ALK: variants seen among roughly 807,000 people sequenced by gnomAD.
ALK encodes the protein ALK receptor tyrosine kinase.
A neutral mutation model predicts 163.1 loss-of-function variants in ALK; 74 were observed. The ratio of observed to expected loss-of-function variants is 0.45; its 90% CI spans 0.38 to 0.55. ALK has a LOEUF of 0.55. Among genes scored for constraint, ALK ranks in the 20% least tolerant of loss-of-function variants. The pLI, the probability that ALK is intolerant of heterozygous loss-of-function variation, is 0.00. For synonymous variants in ALK, 960 were observed against 843.2 expected (o/e 1.14, Z -2.40); for missense variants, 2,063 against 2,105.3 (o/e 0.98, Z 0.39).
chr2:29,738,274 G>C (rs1679950406), intron 1 of ALK, among the ~76,000 whole-genome samples: 2 of 151,994 alleles, frequency 1.3e-5, no homozygotes, highest in African/African-American at 4.8e-5. Context: ...CATATCAATG[G>C]AAAGAGAAGG....
chr2:29,879,234 T>C (rs1256407663), intron 1 of ALK, among the ~76,000 whole-genome samples: 1 of 152,208 alleles, frequency 6.6e-6, no homozygotes, highest in Non-Finnish European at 1.5e-5. Context: ...TCTTGGATTC[T>C]AAAAGAATTT....
intron 4 of ALK, among the ~76,000 whole-genome samples, chr2:29,515,575 A>AG (rs1171169190): frequency 6.6e-6 from 1 of 152,128 alleles, no homozygotes; most frequent in East Asian, 1.9e-4. Context: ...GGGTGGGGAT[A>AG]GGGGGAGGCA....
intron 15 of ALK, among the ~76,000 whole-genome samples, chr2:29,232,057 T>C (rs1011890462): frequency 8.3e-6 from 1 of 119,814 alleles, no homozygotes; most frequent in Non-Finnish European, 1.9e-5. Flanking sequence ...AGCTGGCTGA[T>C]TGACGGCTGC....
chr2:29,728,715 C>G (rs1023645202), intron 1 of ALK, among the ~76,000 whole-genome samples: 22 of 152,118 alleles, frequency 1.4e-4, no homozygotes, highest in African/African-American at 5.3e-4. Context: ...AAGGCAGGGT[C>G]TATTCCAACT....
chr2:29,821,404 G>C (rs944610514), intron 1 of ALK, among the ~76,000 whole-genome samples: 1 of 152,158 alleles, frequency 6.6e-6, no homozygotes, highest in East Asian at 1.9e-4. Flanking sequence ...AGACTTTCTC[G>C]GGGAAGGGGA....
intron 11 of ALK, among the ~76,000 whole-genome samples, chr2:29,265,851 G>A (rs1475398734): frequency 6.6e-6 from 1 of 152,254 alleles, no homozygotes; most frequent in South Asian, 2.1e-4. Flanking sequence ...AGCTGGGTGT[G>A]GTGGCAGGTG....
At chr2:29,365,701 T>C (rs79751680) in intron 5 of ALK, among the ~76,000 whole-genome samples, 2,970 of 152,248 alleles carry the variant, frequency 0.02, 88 homozygotes, top group African/African-American at 0.068. Context: ...CCAAAAAGGG[T>C]TGGGTATTTA....
At chr2:29,360,486 C>T (rs181857462) in intron 5 of ALK, among the ~76,000 whole-genome samples, 2 of 152,292 alleles carry the variant, frequency 1.3e-5, no homozygotes, top group African/African-American at 4.8e-5. Flanking sequence ...CAAGGCTCGT[C>T]CTGCCCACGA....
intron 1 of ALK, among the ~76,000 whole-genome samples, chr2:29,771,924 C>T (rs1681040784): frequency 6.6e-6 from 1 of 152,196 alleles, no homozygotes; most frequent in South Asian, 2.1e-4. Context: ...AATGTCTTAT[C>T]TCCTCTGCAC....
intron 12 of ALK, among the ~76,000 whole-genome samples, chr2:29,250,821 A>G (rs1267199481): frequency 2.0e-5 from 3 of 152,238 alleles, no homozygotes; most frequent in Admixed American, 1.3e-4. Flanking sequence ...GGCCACCATA[A>G]TTATCCTTAT....
intron 8 of ALK, among the ~76,000 whole-genome samples, chr2:29,317,697 C>A (rs1187858894): frequency 2.6e-5 from 4 of 152,216 alleles, no homozygotes; most frequent in African/African-American, 7.2e-5. Flanking sequence ...CCGACTTGGA[C>A]TCAGAAATTT....
At chr2:29,228,372 C>T (rs1006690072) in intron 16 of ALK, among the ~76,000 whole-genome samples, 2 of 152,198 alleles carry the variant, frequency 1.3e-5, no homozygotes, top group African/African-American at 4.8e-5. Context: ...GACGAGGCAG[C>T]TGGGGTCAAT....
chr2:29,589,087 T>G (rs1406838518), intron 3 of ALK, among the ~76,000 whole-genome samples: 1 of 152,182 alleles, frequency 6.6e-6, no homozygotes, highest in Admixed American at 6.5e-5. Context: ...AACCTTATCA[T>G]CTCTGCAGCG....
intron 4 of ALK, among the ~76,000 whole-genome samples, chr2:29,396,968 C>T (rs1669325877): frequency 1.3e-5 from 2 of 150,172 alleles, no homozygotes; most frequent in Non-Finnish European, 2.9e-5. Flanking sequence ...CAAGGAGTGC[C>T]AAACCCTGTC....
chr2:29,825,907 AG>A (rs1428176265), intron 1 of ALK, among the ~76,000 whole-genome samples: 2 of 152,168 alleles, frequency 1.3e-5, no homozygotes, highest in Non-Finnish European at 2.9e-5. Context: ...TTGGATGTTT[AG>A]GTGGTAGGGG....
chr2:29,732,052 G>A (rs1224617943), intron 1 of ALK, among the ~76,000 whole-genome samples: 2 of 152,120 alleles, frequency 1.3e-5, no homozygotes, highest in African/African-American at 2.4e-5. Flanking sequence ...AGAGACTTCT[G>A]GAATCCTCAT....
intron 11 of ALK, among the ~76,000 whole-genome samples, chr2:29,271,527 G>A (rs1665385030): frequency 6.6e-6 from 1 of 152,186 alleles, no homozygotes; most frequent in South Asian, 2.1e-4. Context: ...CTTGGAGCTG[G>A]AAACGGGAAG....
chr2:29,790,877 C>T (rs960658925), intron 1 of ALK, among the ~76,000 whole-genome samples: 1 of 152,150 alleles, frequency 6.6e-6, no homozygotes. Flanking sequence ...AGTCACCTCA[C>T]CCGGCCAAAA....
chr2:29,509,675 AT>A (rs1275855073), intron 4 of ALK, among the ~76,000 whole-genome samples: 1 of 152,206 alleles, frequency 6.6e-6, no homozygotes, highest in Non-Finnish European at 1.5e-5. Flanking sequence ...TGGAATCTAT[AT>A]TTCTTAACAT....
Sources: gnomAD v4.1 joint callset for allele counts (sites outside exome capture counted in the v4.1 genomes callset) on GRCh38, gnomAD v4.1.1 for gene constraint, MANE v1.5 for transcripts, NCBI Gene and HGNC (gene_info 2026-07-23, HGNC 2026-07-21) for gene names.